Variants in SYMPK observed in about 807,000 individuals in gnomAD.
SYMPK encodes symplekin.
Under a neutral mutation model 136.4 loss-of-function variants are expected in SYMPK, and 49 were observed. The observed-to-expected ratio is 0.36, with a 90% CI of 0.29 to 0.46. The LOEUF (loss-of-function observed/expected upper bound fraction) is 0.46, where lower values mean the gene tolerates loss of function less well. Among genes scored for constraint, SYMPK ranks in the 20% least tolerant of loss-of-function variants. SYMPK has a pLI of 1.00. For missense variants in SYMPK, 1,365 were observed against 1,690.0 expected (o/e 0.81, Z 3.37); for synonymous variants, 766 against 713.0 (o/e 1.07, Z -1.19).
chr19:45,842,637 G>A (rs1361767796), intron 8 of SYMPK, 148 bp from the exon 9 acceptor site: 15 of 1,087,706 alleles, frequency 1.4e-5, no homozygotes, highest in Admixed American at 8.1e-5. Context: ...GTGGCTTTCC[G>A]CCTTACAAGC....
chr19:45,824,701 G>A (rs553024782), intron 18 of SYMPK, among the ~76,000 whole-genome samples: 2 of 152,174 alleles, frequency 1.3e-5, no homozygotes, highest in East Asian at 3.9e-4. Flanking sequence ...GTCTGTCACT[G>A]AGCTGCTTCT....
Position 45,815,661 on chromosome 19 carries a change from G to A in SYMPK, c.3724C>T (p.Arg1242Trp), listed in dbSNP as rs752519438. 3.7e-6 allele frequency: 6 copies of A among 1,610,164 alleles called. No individual in the cohort carries two copies. The South Asian group carries it at 4.4e-5, about 12-fold the overall frequency. The change falls in exon 27 of 27, where the codon CGG becomes TGG. Residue 1242 changes from arginine (R) to tryptophan (W), a missense_variant. By Grantham distance (101) the Arg-to-Trp change is moderately radical. Transcript: ENST00000245934. ...ACAGGTGCGAGGGTCTGGGGGCTCC[G>A]CTCCTCCTTCAAGGTCAGCCCGCCC... ...AAGGLTLKEE[R>W]SPQTLAPVGE...
chr19:45,823,654 C>T, intron 19 of SYMPK, 113 bp downstream of exon 19: 1 of 1,044,392 alleles, frequency 9.6e-7, no homozygotes, highest in South Asian at 1.4e-5. Flanking sequence ...AGGACAGGCA[C>T]AGACCCGCAA....
At chr19:45,829,970 C>T in intron 13 of SYMPK, 84 bp downstream of exon 13, 1 of 1,449,620 alleles carries the variant, frequency 6.9e-7, no homozygotes, top group Non-Finnish European at 9.2e-7. Context: ...GGTTTGACGC[C>T]AGGGCCAGAC....
rs1971365059 is a variant in SYMPK, at chr19:45,838,697, C to G, written c.1088-82G>C. Reference sequence around the variant, plus strand: ...TCCTTCCGGGGTGCCCGGGTGGTCCCTGCCTCTAGTCAGCCTCAGCAAACA... The same window carrying G: ...TCCTTCCGGGGTGCCCGGGTGGTCCGTGCCTCTAGTCAGCCTCAGCAAACA... On this transcript the variant is annotated intron_variant, in intron 9 of 26. Coordinates refer to ENST00000245934, the MANE Select transcript of SYMPK (RefSeq NM_004819.3). 3.4e-6 allele frequency: 5 copies of G among 1,463,598 alleles called. No homozygotes were observed. In the East Asian group the frequency reaches 1.2e-4, roughly 34 times the overall value. 90.7% of individuals were successfully genotyped at this position (1,463,598 alleles called of 1,614,324 possible).
intron 23 of SYMPK, among the ~76,000 whole-genome samples, chr19:45,817,417 C>CTCT (rs1568605965): frequency 1.8e-5 from 2 of 108,480 alleles, no homozygotes; most frequent in Non-Finnish European, 3.7e-5. Context: ...TTTTTGTTCT[C>CTCT]TTTTTTTTTT....
chr19:45,857,093 G>C (rs2146347289), intron 1 of SYMPK, among the ~76,000 whole-genome samples: 1 of 152,078 alleles, frequency 6.6e-6, no homozygotes, highest in South Asian at 2.1e-4. Context: ...ACTCCAGCCT[G>C]GACGAGAATG....
intron 16 of SYMPK, 79 bp downstream of exon 16, chr19:45,827,431 G>C: frequency 1.0e-6 from 1 of 957,840 alleles, no homozygotes; most frequent in Non-Finnish European, 1.7e-6. Context: ...TGTGGAAGAC[G>C]TGGGCTGGTT....
intron 5 of SYMPK, among the ~76,000 whole-genome samples, chr19:45,851,096 T>G (rs1296792354): frequency 6.6e-6 from 1 of 152,202 alleles, no homozygotes; most frequent in East Asian, 1.9e-4. Flanking sequence ...CTAAGTAAGC[T>G]GATGAGCCAG....
chr19:45,851,188 C>T (rs765935294), intron 5 of SYMPK, among the ~76,000 whole-genome samples: 8 of 152,094 alleles, frequency 5.3e-5, no homozygotes, highest in Non-Finnish European at 1.0e-4. Flanking sequence ...AGAGTGGAAG[C>T]GGGAAATGAG....
intron 12 of SYMPK, 102 bp downstream of exon 12, chr19:45,831,282 T>TAC (rs67226135): frequency 0.086 from 57,493 of 670,772 alleles, 1,939 homozygotes; most frequent in East Asian, 0.33. Context: ...GCATCTCAGT[T>TAC]ACACACACAC....
chr19:45,816,095 G>T lies in SYMPK; in HGVS notation c.3443C>A (p.Ala1148Asp), dbSNP rs1318017781. 1 of 1,557,046 alleles carries T rather than the reference G, an allele frequency of 6.4e-7. No homozygotes were observed. Among genetic ancestry groups the T allele is most frequent in the Non-Finnish European group, 8.7e-7 (1 of 1,150,480 alleles). Reference sequence around the variant, plus strand: ...TTCCTCCTCCAGCTGCCGCTTTAAGGCCTTCTCCTGGGCCAGTCGCAGGCC... The same window carrying T: ...TTCCTCCTCCAGCTGCCGCTTTAAGTCCTTCTCCTGGGCCAGTCGCAGGCC... ...LIGLRLAQEKALKRQLEEEQK... is the reference protein window; with the variant it reads ...LIGLRLAQEKDLKRQLEEEQK... The change falls in exon 26 of 27, where the codon GCC (alanine) becomes GAC (aspartate). Residue 1148 changes from alanine to aspartate, a missense_variant. Physicochemically the swap from Ala to Asp is moderately radical, Grantham distance 126 (BLOSUM62 -2). Transcript: ENST00000245934.
intron 9 of SYMPK, among the ~76,000 whole-genome samples, chr19:45,839,144 C>T (rs895325108): frequency 6.6e-6 from 1 of 152,144 alleles, no homozygotes; most frequent in Non-Finnish European, 1.5e-5. Context: ...CTGTCTCAGC[C>T]TCCCAAAGTG....
chr19:45,844,344 A>T, intron 7 of SYMPK, 144 bp from the exon 8 acceptor site: 1 of 613,172 alleles, frequency 1.6e-6, no homozygotes, highest in East Asian at 3.1e-5. Context: ...GTGGTGGTTG[A>T]TTAGTTCTAT....
At chr19:45,817,185 G>A (rs1970765272) in intron 23 of SYMPK, 2 of 540,972 alleles carry the variant, frequency 3.7e-6, no homozygotes, top group African/African-American at 2.0e-5. Flanking sequence ...GGAAGGGGGT[G>A]GAAGAAAACT....
chr19:45,836,727 T>G (rs1971310095), intron 10 of SYMPK, among the ~76,000 whole-genome samples: 1 of 152,066 alleles, frequency 6.6e-6, no homozygotes, highest in African/African-American at 2.4e-5. Flanking sequence ...CAGCCTCAAA[T>G]TCCTGGGCTT....
At chr19:45,831,116 T>C (rs1195061779) in intron 12 of SYMPK, 5 of 319,892 alleles carry the variant, frequency 1.6e-5, no homozygotes, top group African/African-American at 8.5e-5. Flanking sequence ...AATTCTTCTT[T>C]GATCCTTATG....
At chr19:45,836,289 C>G (rs1971298310) in intron 10 of SYMPK, among the ~76,000 whole-genome samples, 1 of 151,608 alleles carries the variant, frequency 6.6e-6, no homozygotes, top group Non-Finnish European at 1.5e-5. Context: ...ACCATCTTGC[C>G]CAGGCTGGAA....
At chr19:45,857,674 G>A (rs1287367771) in intron 1 of SYMPK, among the ~76,000 whole-genome samples, 1 of 151,474 alleles carries the variant, frequency 6.6e-6, no homozygotes, top group African/African-American at 2.4e-5. Flanking sequence ...TGTATTTTTA[G>A]TAGAGACGGG....
Sources: allele counts gnomAD v4.1 joint callset (sites outside exome capture counted in the v4.1 genomes callset), GRCh38; gene constraint gnomAD v4.1.1; transcripts MANE v1.5; gene names NCBI Gene and HGNC (gene_info 2026-07-23, HGNC 2026-07-21).